Variants in VCL observed in about 807,000 individuals in gnomAD.
VCL encodes epididymis luminal protein 114.
A neutral mutation model predicts 125.7 loss-of-function variants in VCL; 47 were observed. The observed-to-expected ratio is 0.37, with a 90% confidence interval of 0.30 to 0.48. VCL has a LOEUF of 0.48. VCL is among the 20% of genes least tolerant of loss of function. The pLI is 0.99. For synonymous variants in VCL, 458 were observed against 514.6 expected, an observed-to-expected ratio of 0.89 and a Z score of 1.49; for missense variants, 1,069 against 1,455.5, an observed-to-expected ratio of 0.73 and a Z score of 4.32.
chr10:74,102,297 C>T (rs569953728), intron 14 of VCL, among the ~76,000 whole-genome samples: 2 of 146,128 alleles, frequency 1.4e-5, no homozygotes, highest in African/African-American at 5.1e-5. Context: ...TATTGTGTAA[C>T]AAGGCATGGC....
rs767630540 is a variant in VCL, at chr10:74,071,682, C to T, written c.499+599C>T. Among the ~76,000 whole-genome samples the T allele has an allele frequency of 6.6e-6, 1 of 152,106 alleles. No homozygotes were observed. Among genetic ancestry groups the T allele is most frequent in the South Asian group, 2.1e-4 (1 of 4,818 alleles). ...AGGGTCTTTAAAGTATGAATGAGACCAATGACAAGATATGTTAGATGTTTA... is the reference window on the plus strand; with the variant it reads ...AGGGTCTTTAAAGTATGAATGAGACTAATGACAAGATATGTTAGATGTTTA... On this transcript the variant is annotated intron_variant, in intron 4 of 21. Transcript: ENST00000211998. This position sits in a 1 kb window ranked among gnomAD's most constrained non-coding sequence, Gnocchi z 4.1.
At chr10:74,100,799 G>T in intron 13 of VCL, 149 bp from the exon 14 acceptor site, 1 of 942,988 alleles carries the variant, frequency 1.1e-6, no homozygotes. Context: ...AGGATTTGGA[G>T]TTTGACTGTT....
At chr10:74,066,892 G>A (rs1384552958) in intron 2 of VCL, among the ~76,000 whole-genome samples, 3 of 151,880 alleles carry the variant, frequency 2.0e-5, no homozygotes, top group African/African-American at 7.3e-5. Context: ...GGCTGGTTTC[G>A]AACTCCTGAC....
At position 74,094,387 on chromosome 10, in the gene VCL, C is replaced by G; in HGVS notation, c.1469C>G (p.Ala490Gly). ...AVANSRPAKA[A>G]VHLEGKIEQA... ...GCCAACAGCAGACCGGCCAAAGCAG[C>G]TGTACACCTTGAGGGCAAGATTGAG... The change falls in exon 11 of 22, where the codon GCT becomes GGT. Residue 490 changes from alanine (A) to glycine (G), a missense_variant. This residue lies in a region of VCL where 760 missense variants were observed against 928.9 expected (regional missense o/e 0.82). Coordinates refer to ENST00000211998, the MANE Select transcript of VCL (RefSeq NM_014000.3). 6.2e-7 allele frequency: 1 copy of G among 1,614,170 alleles called. No individual in the cohort carries two copies. The highest frequency in any genetic ancestry group is 8.5e-7 in the Non-Finnish European group (1 of 1,180,036).
intron 2 of VCL, among the ~76,000 whole-genome samples, chr10:74,060,740 C>T (rs573602365): frequency 1.3e-5 from 2 of 150,920 alleles, no homozygotes; most frequent in East Asian, 3.9e-4. Context: ...TTTTCCTCTT[C>T]TTTGGCATAC....
At chr10:74,049,210 T>G (rs181871019) in intron 2 of VCL, among the ~76,000 whole-genome samples, 2 of 152,232 alleles carry the variant, frequency 1.3e-5, no homozygotes, top group African/African-American at 4.8e-5. Flanking sequence ...TGTTTTTTTT[T>G]AAACTTTCAT....
At chr10:74,014,482 G>A (rs373939843) in intron 1 of VCL, among the ~76,000 whole-genome samples, 15 of 148,672 alleles carry the variant, frequency 1.0e-4, no homozygotes, top group East Asian at 2.0e-4. Context: ...CAGTCCACCC[G>A]CCTCAGCCTC....
intron 10 of VCL, among the ~76,000 whole-genome samples, chr10:74,092,274 G>A (rs1839901690): frequency 6.6e-6 from 1 of 152,162 alleles, no homozygotes; most frequent in Non-Finnish European, 1.5e-5. Flanking sequence ...ATGGCTGAGA[G>A]GACCTGAGAT....
intron 14 of VCL, among the ~76,000 whole-genome samples, chr10:74,102,127 A>C (rs564709227): frequency 6.6e-6 from 1 of 152,144 alleles, no homozygotes; most frequent in Admixed American, 6.5e-5. Context: ...GGCCTCCCAA[A>C]GTGCTGAGAT....
intron 1 of VCL, among the ~76,000 whole-genome samples, chr10:74,002,873 T>C (rs1158083794): frequency 7.0e-6 from 1 of 142,014 alleles, no homozygotes; most frequent in East Asian, 2.0e-4. Context: ...AAAGGAAGAC[T>C]CTGTCTCAAA....
intron 8 of VCL, among the ~76,000 whole-genome samples, chr10:74,086,437 G>A (rs1839774102): frequency 6.6e-6 from 1 of 152,250 alleles, no homozygotes; most frequent in Admixed American, 6.5e-5. Context: ...CTGAGAAGCA[G>A]TCTCCTCTGT....
At chr10:74,048,170 A>C (rs1267119318) in intron 2 of VCL, among the ~76,000 whole-genome samples, 1 of 152,212 alleles carries the variant, frequency 6.6e-6, no homozygotes, top group Non-Finnish European at 1.5e-5. Flanking sequence ...TAACCCTATA[A>C]GAAATCATTT....
intron 1 of VCL, among the ~76,000 whole-genome samples, chr10:74,025,799 T>G (rs1029671839): frequency 4.6e-5 from 7 of 152,098 alleles, no homozygotes; most frequent in African/African-American, 1.7e-4. Context: ...GCAATGTCAC[T>G]TATCTTGGGT....
intron 2 of VCL, among the ~76,000 whole-genome samples, chr10:74,054,935 A>G (rs1841366686): frequency 6.6e-6 from 1 of 152,008 alleles, no homozygotes; most frequent in South Asian, 2.1e-4. Context: ...AAAAACAAAA[A>G]CAGAAAAACC....
At chr10:74,051,635 C>A (rs1411366181) in intron 2 of VCL, among the ~76,000 whole-genome samples, 1 of 152,190 alleles carries the variant, frequency 6.6e-6, no homozygotes, top group Non-Finnish European at 1.5e-5. Context: ...ATGCTCATTC[C>A]AGTATGCTAA....
downstream of VCL, chr10:74,121,335 C>A (rs780848524): frequency 1.3e-5 from 2 of 152,192 alleles, no homozygotes; most frequent in Non-Finnish European, 2.9e-5. Context: ...CACAGGAACT[C>A]CCTTTGAATA....
In VCL at chr10:74,112,087, G is replaced by A. The variant is rs767325003; in HGVS notation, c.2924G>A (p.Arg975Gln). Residue 975 changes from arginine to glutamine, a missense_variant, in exon 19 of 22, where the codon CGG (arginine) becomes CAG (glutamine). Physicochemically the swap from Arg to Gln is conservative, Grantham distance 43 (BLOSUM62 1). Transcript: ENST00000211998. ...PILAAAQSLH[R>Q]EATKWSSKGN... ...CTGGCCGCGGCTCAGTCCTTGCATCGGGAAGCTACCAAGTGGTCTAGTAAG... is the reference window on the plus strand; with the variant it reads ...CTGGCCGCGGCTCAGTCCTTGCATCAGGAAGCTACCAAGTGGTCTAGTAAG... 3.7e-5 allele frequency: 60 copies of A among 1,614,046 alleles called. 2 individuals carry two copies. Among genetic ancestry groups the A allele is most frequent in the South Asian group, 2.1e-4 (19 of 91,070 alleles).
At chr10:74,065,538 A>T (rs1234342896) in intron 2 of VCL, among the ~76,000 whole-genome samples, 3 of 152,190 alleles carry the variant, frequency 2.0e-5, no homozygotes, top group South Asian at 2.1e-4. Flanking sequence ...AAAAATAAAC[A>T]TAATTAGCTG....
intron 1 of VCL, chr10:74,016,902 G>T (rs368837242): frequency 1.3e-5 from 2 of 151,998 alleles, no homozygotes; most frequent in African/African-American, 4.8e-5. Context: ...TACAGTGTTT[G>T]TATATACTGT....
Sources: allele counts gnomAD v4.1 joint callset (sites outside exome capture counted in the v4.1 genomes callset), GRCh38; gene constraint gnomAD v4.1.1; regional missense constraint gnomAD v4.1.1; non-coding constraint Gnocchi (gnomAD v3.1); transcripts MANE v1.5; gene names NCBI Gene and HGNC (gene_info 2026-07-23, HGNC 2026-07-21).